Variants in ESRP2 observed in about 807,000 individuals in gnomAD.
The protein encoded by ESRP2 is RNA binding motif protein 35A.
In ESRP2, 48 loss-of-function variants were observed where a neutral mutation model predicts 78.6. The ratio of observed to expected loss-of-function variants is 0.61; its 90% confidence interval spans 0.48 to 0.78. ESRP2 has a LOEUF of 0.78. Ranked by LOEUF, ESRP2 falls within the 30% of genes least tolerant of loss-of-function variation. The pLI is 0.00. For synonymous variants in ESRP2, 383 were observed against 406.7 expected (o/e 0.94, Z 0.70); for missense variants, 863 against 965.9 (o/e 0.89, Z 1.41).
rs937448998 is a variant in ESRP2, at chr16:68,232,915, C to T, written c.656-100G>A. 1.3e-6 allele frequency: 2 copies of T among 1,537,934 alleles called. No individual in the cohort carries two copies. Among genetic ancestry groups the T allele is most frequent in the African/African-American group, 2.7e-5 (2 of 73,490 alleles). On this transcript the variant is annotated intron_variant, in intron 5 of 14. Coordinates refer to ENST00000473183, the MANE Select transcript of ESRP2 (RefSeq NM_024939.3). This position sits in a 1 kb window ranked among gnomAD's most constrained non-coding sequence, Gnocchi z 5.2. Reference sequence around the variant, plus strand: ...ACAATTGAGAGAGATGAAGAAATGACAGGCCGAGCACAGTGGCTCACGCCT... The same window carrying T: ...ACAATTGAGAGAGATGAAGAAATGATAGGCCGAGCACAGTGGCTCACGCCT...
intron 2 of ESRP2, chr16:68,234,345 TAACCG>T (rs769609750): frequency 1.9e-6 from 1 of 530,638 alleles, no homozygotes; most frequent in Non-Finnish European, 3.4e-6. Flanking sequence ...CAATCACATA[TAACCG>T]AAGCCCTCAA....
Position 68,232,910 on chromosome 16 carries a change from A to G in ESRP2, c.656-95T>C. On this transcript the variant is annotated intron_variant, in intron 5 of 14. Transcript: ENST00000473183. This position sits in a 1 kb window ranked among gnomAD's most constrained non-coding sequence, Gnocchi z 5.2. Reference sequence around the variant, plus strand: ...AGTGGACAATTGAGAGAGATGAAGAAATGACAGGCCGAGCACAGTGGCTCA... The same window carrying G: ...AGTGGACAATTGAGAGAGATGAAGAGATGACAGGCCGAGCACAGTGGCTCA... The G allele has an allele frequency of 6.4e-7, 1 of 1,558,456 alleles. No individual in the cohort carries two copies. The highest frequency in any genetic ancestry group is 2.2e-5 in the East Asian group (1 of 44,582).
In ESRP2 at chr16:68,231,579, AG is replaced by A. The variant is rs1310797846; in HGVS notation, c.1414del (p.Leu472CysfsTer11). The A allele has an allele frequency of 6.2e-7, 1 of 1,614,100 alleles. No homozygotes were observed. Among genetic ancestry groups the A allele is most frequent in the Non-Finnish European group, 8.5e-7 (1 of 1,180,010 alleles). ...GTCTTCAATGGTGGCCGTGTAGGGC[AG>A]GCCTCGGAGGCGTACACAGTCCCTC... is the stretch of plus-strand genomic sequence containing the variant. ...TGRDCVRLRG[L>X]PYTATIEDIL... On this transcript the variant is annotated frameshift_variant, in exon 11 of 15. Transcript: ENST00000473183. LOFTEE classifies it high-confidence loss of function. The surrounding 1 kb of genome is among the most constrained non-coding windows in gnomAD (Gnocchi z 6.0).
Position 68,235,933 on chromosome 16 carries a change from G to T in ESRP2, c.113C>A (p.Ala38Glu), listed in dbSNP as rs774801980. The T allele has an allele frequency of 5.0e-6, 8 of 1,611,334 alleles. No homozygotes were observed. The East Asian group carries it at 1.8e-4, about 36-fold the overall frequency. ...GSLVVLFGAT[A>E]GALGRDLGSD... is the part of the protein sequence containing the mutation. ...GCCCAGGTCCCGTCCCAGCGCACCC[G>T]CCGTAGCCCCGAAGAGGACGACCAG... Residue 38 changes from alanine to glutamate, a missense_variant, in exon 1 of 15, where the codon GCG becomes GAG. Coordinates refer to ENST00000473183, the MANE Select transcript of ESRP2 (RefSeq NM_024939.3). This position sits in a 1 kb window ranked among gnomAD's most constrained non-coding sequence, Gnocchi z 5.5.
chr16:68,232,410 C>T lies in ESRP2; in HGVS notation c.915G>A (p.Leu305=), dbSNP rs758240299. 5.6e-6 allele frequency: 9 copies of T among 1,613,976 alleles called. No homozygotes were observed. Among genetic ancestry groups the T allele is most frequent in the Non-Finnish European group, 7.6e-6 (9 of 1,180,028 alleles). The part of the protein sequence containing the change: ...FVDSEQRDLA[L]QRHKHHMGVR... ...CGCCCATGTGGTGCTTGTGTCTCTG[C>T]AGCGCTAGGTCCCGCTGCTCGCTGT... The change falls in exon 8 of 15, where the codon CTG becomes CTA. Residue 305 remains leucine (L), a synonymous_variant. Transcript: ENST00000473183. The surrounding 1 kb of genome is among the most constrained non-coding windows in gnomAD (Gnocchi z 5.2).
In ESRP2 at chr16:68,233,840, G is replaced by A. The variant is rs749106144; in HGVS notation, c.484C>T (p.Arg162Ter). ...PDMFFSFYDL[R>*]REFHMQHPST... Reference sequence around the variant, plus strand: ...GGATGCTGCATATGGAATTCTCTTCGGAGGTCATAGAAGGAGAAGAACATG... The same window carrying A: ...GGATGCTGCATATGGAATTCTCTTCAGAGGTCATAGAAGGAGAAGAACATG... The change falls in exon 4 of 15, where the codon CGA becomes TGA. Residue 162 changes from arginine (R) to a stop codon, truncating the protein, a stop_gained. Transcript: ENST00000473183. LOFTEE classifies it high-confidence loss of function. 5 of 1,613,960 alleles carry A rather than the reference G, an allele frequency of 3.1e-6. No individual in the cohort carries two copies. Among genetic ancestry groups the A allele is most frequent in the African/African-American group, 2.7e-5 (2 of 74,898 alleles).
Position 68,235,122 on chromosome 16 carries a change from C to T in ESRP2, c.327+512G>A. The stretch of plus-strand genomic sequence containing the variant: ...CCAGGCCAGGCCGGGACAGCGCCCA[C>T]GCCTGGCCAGCCGGCCGGGACAGGC... On this transcript the variant is annotated intron_variant, in intron 2 of 14. Coordinates refer to ENST00000473183, the MANE Select transcript of ESRP2 (RefSeq NM_024939.3). The surrounding 1 kb of genome is among the most constrained non-coding windows in gnomAD (Gnocchi z 5.5). 5.0e-6 allele frequency: 5 copies of T among 991,546 alleles called. No individual in the cohort carries two copies. The highest frequency in any genetic ancestry group is 6.0e-6 in the Non-Finnish European group (5 of 833,568). 61.4% of individuals were successfully genotyped at this position (991,546 alleles called of 1,614,324 possible). A position where few individuals can be genotyped will look rare whatever the true frequency, so the allele number is the denominator to read the frequency against.
rs1229164094 is a variant in ESRP2 at position 68,231,778 on chromosome 16, G to T, written c.1299+24C>A. On this transcript the variant is annotated intron_variant, in intron 10 of 14. Transcript: ENST00000473183. This position sits in a 1 kb window ranked among gnomAD's most constrained non-coding sequence, Gnocchi z 6.0. ...CGCCCTGGAGTAACAGTACATCTGG[G>T]GGTGGGGAGCCCTGGGCGCTCACCT... 2 of 1,603,930 alleles carry T rather than the reference G, an allele frequency of 1.2e-6. No homozygotes were observed. Among genetic ancestry groups the T allele is most frequent in the Non-Finnish European group, 1.7e-6 (2 of 1,172,548 alleles).
Position 68,231,461 on chromosome 16 carries a change from C to G in ESRP2, c.1512+21G>C, listed in dbSNP as rs1438921531. On this transcript the variant is annotated intron_variant, in intron 11 of 14. Transcript: ENST00000473183. This position sits in a 1 kb window ranked among gnomAD's most constrained non-coding sequence, Gnocchi z 6.0. ...CACCCCTTCCTATTTATGTGTTCCCCCTACCAAGCAGTGGCTTCACCTGCT... is the reference window on the plus strand; with the variant it reads ...CACCCCTTCCTATTTATGTGTTCCCGCTACCAAGCAGTGGCTTCACCTGCT... 3 of 1,613,978 alleles carry G rather than the reference C, an allele frequency of 1.9e-6. No individual in the cohort carries two copies. The highest frequency in any genetic ancestry group is 2.5e-6 in the Non-Finnish European group (3 of 1,179,952).
Position 68,232,524 on chromosome 16 carries a change from G to A in ESRP2, c.822-21C>T. The A allele has an allele frequency of 6.2e-7, 1 of 1,614,030 alleles. No homozygotes were observed. Among genetic ancestry groups the A allele is most frequent in the Non-Finnish European group, 8.5e-7 (1 of 1,179,952 alleles). On this transcript the variant is annotated intron_variant, in intron 7 of 14. Coordinates refer to ENST00000473183, the MANE Select transcript of ESRP2 (RefSeq NM_024939.3). The surrounding 1 kb of genome is among the most constrained non-coding windows in gnomAD (Gnocchi z 5.2). The stretch of plus-strand genomic sequence containing the variant: ...CACCCCTGTGGAGCCAGTGCTGTTA[G>A]TGCCTCCTGGGTAGGCCTGTCCAAT...
rs570580551 is a variant in ESRP2, at chr16:68,231,277, C to T, written c.1612G>A (p.Val538Met). ...TCTGTGGAACAGGGGACCACCTCCACGTAGCGCTCCTTCATCACCTTCTTA... is the reference window on the plus strand; with the variant it reads ...TCTGTGGAACAGGGGACCACCTCCATGTAGCGCTCCTTCATCACCTTCTTA... ...CHKKVMKERY[V>M]EVVPCSTEEM... Residue 538 changes from valine to methionine, a missense_variant, in exon 12 of 15, where the codon GTG (valine) becomes ATG (methionine). Transcript: ENST00000473183. The surrounding 1 kb of genome is among the most constrained non-coding windows in gnomAD (Gnocchi z 6.0). 1.2e-5 allele frequency: 19 copies of T among 1,614,138 alleles called. No individual in the cohort carries two copies. The highest frequency in any genetic ancestry group is 2.7e-5 in the African/African-American group (2 of 75,030).
At position 68,235,593 on chromosome 16, in the gene ESRP2, C is replaced by A. The variant is rs780580320; in HGVS notation, c.327+41G>T. The A allele has an allele frequency of 5.0e-6, 8 of 1,594,236 alleles. No homozygotes were observed. The highest frequency in any genetic ancestry group is 5.9e-6 in the Non-Finnish European group (7 of 1,178,276). On this transcript the variant is annotated intron_variant, in intron 2 of 14. Transcript: ENST00000473183. The surrounding 1 kb of genome is among the most constrained non-coding windows in gnomAD (Gnocchi z 5.5). Reference sequence around the variant, plus strand: ...GGCCGCCAATCCCGCCCAGAAATGTCCTCACGTCCAGGCCATGCCGCCACC... The same window carrying A: ...GGCCGCCAATCCCGCCCAGAAATGTACTCACGTCCAGGCCATGCCGCCACC...
chr16:68,230,225 C>A lies in ESRP2; in HGVS notation c.*1G>T, dbSNP rs767951454. The A allele has an allele frequency of 6.2e-7, 1 of 1,614,030 alleles. No individual in the cohort carries two copies. Among genetic ancestry groups the A allele is most frequent in the Non-Finnish European group, 8.5e-7 (1 of 1,179,978 alleles). On this transcript the variant is annotated 3_prime_UTR_variant, in exon 15 of 15. Coordinates refer to ENST00000473183, the MANE Select transcript of ESRP2 (RefSeq NM_024939.3). Reference sequence around the variant, plus strand: ...TGGCTCTTACCTCCTGGCTTTCTCTCCTACAAACACACCCATTCCTTGGGG... The same window carrying A: ...TGGCTCTTACCTCCTGGCTTTCTCTACTACAAACACACCCATTCCTTGGGG...
chr16:68,233,231 T>TA, intron 5 of ESRP2, 96 bp downstream of exon 5: 1 of 809,812 alleles, frequency 1.2e-6, no homozygotes. Context: ...ACAAAGAGGA[T>TA]TCCCCCGTGG....
At chr16:68,230,695 C>T in intron 13 of ESRP2, 141 bp from the exon 14 acceptor site, 4 of 1,420,268 alleles carry the variant, frequency 2.8e-6, no homozygotes, top group Non-Finnish European at 2.9e-6. Context: ...CATTTTCGAT[C>T]TGTTTTGTAG....
Position 68,230,519 on chromosome 16 carries a change from G to A in ESRP2, c.1934C>T (p.Thr645Ile), listed in dbSNP as rs1192939507. The A allele has an allele frequency of 6.3e-7, 1 of 1,598,982 alleles. No individual in the cohort carries two copies. The highest frequency in any genetic ancestry group is 1.1e-5 in the South Asian group (1 of 88,348). Residue 645 changes from threonine (T) to isoleucine (I), a missense_variant, in exon 14 of 15, where the codon ACT becomes ATT. By Grantham distance (89) the Thr-to-Ile change is moderately conservative. Coordinates refer to ENST00000473183, the MANE Select transcript of ESRP2 (RefSeq NM_024939.3). Reference protein sequence around the residue: ...PVSPTTVGYLTTPTAALASAP... With the variant: ...PVSPTTVGYLITPTAALASAP... ...AGAGGCCAGGGCAGCAGTGGGTGTA[G>A]TGAGGTAGCCCACAGTGGTGGGGGA...
At chr16:68,230,789 C>T (rs2042123002) in intron 13 of ESRP2, 52 bp downstream of exon 13, 4 of 1,606,554 alleles carry the variant, frequency 2.5e-6, no homozygotes, top group Admixed American at 1.7e-5. Context: ...GTGACCTTTC[C>T]CCAGATTGGG....
rs1421846117 is a variant in ESRP2, at chr16:68,229,161, G to T, written c.*1065C>A. ...TTGTATTTTAAAACCTTTTATGGGAGTGCAGTGCTCCTTACACAAATACAA... is the reference window on the plus strand; with the variant it reads ...TTGTATTTTAAAACCTTTTATGGGATTGCAGTGCTCCTTACACAAATACAA... On this transcript the variant is annotated 3_prime_UTR_variant, in exon 15 of 15. Coordinates refer to ENST00000473183, the MANE Select transcript of ESRP2 (RefSeq NM_024939.3). The T allele has an allele frequency of 6.6e-6, 1 of 152,240 alleles. No homozygotes were observed. Among genetic ancestry groups the T allele is most frequent in the Non-Finnish European group, 1.5e-5 (1 of 68,046 alleles). The allele number at this position is 152,240 out of a possible 1,614,324, so 9.4% of individuals were successfully genotyped here.
rs1350329993 is a variant in ESRP2, at chr16:68,229,176, C to T, written c.*1050G>A. ...TTTTATGGGAGTGCAGTGCTCCTTA[C>T]ACAAATACAAAGGGAAGAAGAGCCA... On this transcript the variant is annotated 3_prime_UTR_variant, in exon 15 of 15. Transcript: ENST00000473183. The T allele has an allele frequency of 1.3e-5, 2 of 152,222 alleles. No homozygotes were observed. The highest frequency in any genetic ancestry group is 2.9e-5 in the Non-Finnish European group (2 of 68,050). The allele number at this position is 152,222 out of a possible 1,614,324, so 9.4% of individuals were successfully genotyped here.
Sources: gnomAD v4.1 joint callset for allele counts on GRCh38, gnomAD v4.1.1 for gene constraint, Gnocchi (gnomAD v3.1) non-coding constraint, MANE v1.5 for transcripts, NCBI Gene and HGNC (gene_info 2026-07-23, HGNC 2026-07-21) for gene names.